The following SLC9A5 variants were observed in gnomAD, a reference collection of about 807,000 sequenced individuals.
SLC9A5 encodes the protein solute carrier family 9 member A5.
A neutral mutation model predicts 91.7 loss-of-function variants in SLC9A5; 52 were observed. The observed-to-expected ratio is 0.57, with a 90% CI of 0.45 to 0.71. The LOEUF is 0.71. Among genes scored for constraint, SLC9A5 ranks in the 30% least tolerant of loss-of-function variants. The pLI, the probability that SLC9A5 is intolerant of heterozygous loss-of-function variation, is 0.00. For synonymous variants in SLC9A5, 419 were observed against 474.5 expected (o/e 0.88, Z 1.52); for missense variants, 871 against 1,158.9 (o/e 0.75, Z 3.61).
intron 2 of SLC9A5, among the ~76,000 whole-genome samples, chr16:67,254,340 T>C (rs1391764741): frequency 1.3e-5 from 2 of 152,232 alleles, no homozygotes; most frequent in East Asian, 3.8e-4. Context: ...GCAGCCAATT[T>C]CCATTTGCTG....
chr16:67,255,031 G>A lies in SLC9A5; in HGVS notation c.501G>A (p.Val167=), dbSNP rs2035258785. The A allele has an allele frequency of 1.2e-6, 2 of 1,613,716 alleles. No individual in the cohort carries two copies. The highest frequency in any genetic ancestry group is 1.7e-6 in the Non-Finnish European group (2 of 1,179,904). ...CATGTCCCTTAATAGCCCCTAGGGT[G>A]CAGGCTGGCTTACTGGACTTCCTGC... ...LQQAGLVAPR[V]QAGLLDFLLF... The change falls in exon 3 of 16, where the codon GTG becomes GTA. Residue 167 remains valine (V), a synonymous_variant. Transcript: ENST00000299798. This position sits in a 1 kb window ranked among gnomAD's most constrained non-coding sequence, Gnocchi z 4.9.
chr16:67,252,140 C>G lies in SLC9A5; in HGVS notation c.188-402C>G, dbSNP rs2035146631. 6.6e-6 allele frequency among the ~76,000 whole-genome samples: 1 copy of G among 152,048 alleles called. No individual in the cohort carries two copies. Among genetic ancestry groups the G allele is most frequent in the African/African-American group, 2.4e-5 (1 of 41,388 alleles). On this transcript the variant is annotated intron_variant, in intron 1 of 15. Coordinates refer to ENST00000299798, the MANE Select transcript of SLC9A5 (RefSeq NM_004594.3). This position sits in a 1 kb window ranked among gnomAD's most constrained non-coding sequence, Gnocchi z 4.0. ...AATTCTAGAAGTCTTGCATATTTCT[C>G]CTCCCTTGGTCCCAGTCTTAGAAGG...
At position 67,265,530 on chromosome 16, in the gene SLC9A5, T is replaced by G. The variant is rs148140144; in HGVS notation, c.2080+424T>G. On this transcript the variant is annotated intron_variant, in intron 14 of 15. Transcript: ENST00000299798. ...GCCTCCTGGGTTCAAGTGATTCTTC[T>G]GCCTCAGCCTCCCAAGTAGCTGGGA... 5.6e-3 allele frequency among the ~76,000 whole-genome samples: 853 copies of G among 152,312 alleles called. 8 individuals are homozygous for G. Among genetic ancestry groups the G allele is most frequent in the African/African-American group, 0.019 (806 of 41,572 alleles).
In SLC9A5 at chr16:67,258,732, G is replaced by C. The variant is rs2035409610; in HGVS notation, c.1626+285G>C. On this transcript the variant is annotated intron_variant, in intron 10 of 15. Transcript: ENST00000299798. This position sits in a 1 kb window ranked among gnomAD's most constrained non-coding sequence, Gnocchi z 4.5. ...TTGGGTAAGCACACTCTCTGAGCCT[G>C]TTTCCTTAGCTGTAAGAAAGCAGGC... Among the ~76,000 whole-genome samples the C allele has an allele frequency of 6.6e-6, 1 of 152,230 alleles. No homozygotes were observed. The highest frequency in any genetic ancestry group is 1.5e-5 in the Non-Finnish European group (1 of 68,044).
chr16:67,256,470 G>A lies in SLC9A5; in HGVS notation c.913G>A (p.Val305Met). 2 of 1,606,514 alleles carry A rather than the reference G, an allele frequency of 1.2e-6. No individual in the cohort carries two copies. Among genetic ancestry groups the A allele is most frequent in the Non-Finnish European group, 1.7e-6 (2 of 1,178,122 alleles). ...CCATGTCTCTCCATCCTCTCCCAGGGTGACCATGTGTGGCCTGGGCTGTAA... is the reference window on the plus strand; with the variant it reads ...CCATGTCTCTCCATCCTCTCCCAGGATGACCATGTGTGGCCTGGGCTGTAA... Reference protein sequence around the residue: ...EMASLSAILAVTMCGLGCKKY... With the variant: ...EMASLSAILAMTMCGLGCKKY... The change falls in exon 6 of 16, where the codon GTG (valine) becomes ATG (methionine). Residue 305 changes from valine (V) to methionine (M), a missense_variant and splice_region_variant. Physicochemically the swap from Val to Met is conservative, Grantham distance 21. Around this residue, in one of 3 missense-constraint regions of SLC9A5, gnomAD observed 454 missense variants for 718.3 expected, o/e 0.63. Transcript: ENST00000299798. The surrounding 1 kb of genome is among the most constrained non-coding windows in gnomAD (Gnocchi z 4.1).
Position 67,255,505 on chromosome 16 carries a change from G to A in SLC9A5, c.733+34G>A, listed in dbSNP as rs1188586216. On this transcript the variant is annotated intron_variant, in intron 4 of 15. Transcript: ENST00000299798. This position sits in a 1 kb window ranked among gnomAD's most constrained non-coding sequence, Gnocchi z 4.9. ...TTCCCCGCTCCCAGCTGGCATTGGA[G>A]GTCTGCCTCCCCTGGGTTGCTGAGG... The A allele has an allele frequency of 6.2e-7, 1 of 1,606,734 alleles. No homozygotes were observed. The highest frequency in any genetic ancestry group is 1.1e-5 in the South Asian group (1 of 90,940).
In SLC9A5 at chr16:67,251,965, G is replaced by A. The variant is rs190848024; in HGVS notation, c.188-577G>A. 2.0e-5 allele frequency among the ~76,000 whole-genome samples: 3 copies of A among 152,302 alleles called. No homozygotes were observed. The East Asian group carries it at 5.8e-4, about 29-fold the overall frequency. ...TATGGATAAGGGTTGTCAGAGAAAG[G>A]TGAGGTCCCCTGAGGATGAAAGTAT... On this transcript the variant is annotated intron_variant, in intron 1 of 15. Transcript: ENST00000299798.
rs902164940 is a variant in SLC9A5, at chr16:67,263,293, C to T, written c.1843-1059C>T. On this transcript the variant is annotated intron_variant, in intron 12 of 15. Coordinates refer to ENST00000299798, the MANE Select transcript of SLC9A5 (RefSeq NM_004594.3). The stretch of plus-strand genomic sequence containing the variant: ...GCAGATGGAAGACTTGAAGGGGGCT[C>T]TTAGAACTGGTTCAGGGAAGCAGAA... 4.6e-5 allele frequency: 7 copies of T among 151,960 alleles called. 1 individual carries two copies. The highest frequency in any genetic ancestry group is 1.7e-4 in the African/African-American group (7 of 41,322). The allele number at this position is 151,960 out of a possible 1,614,324, so 9.4% of individuals were successfully genotyped here. A position where few individuals can be genotyped will look rare whatever the true frequency, so the allele number is the denominator to read the frequency against.
At position 67,271,077 on chromosome 16, in the gene SLC9A5, G is replaced by C. The variant is rs748152238; in HGVS notation, c.2558G>C (p.Ser853Thr). The change falls in exon 16 of 16, where the codon AGT (serine) becomes ACT (threonine). Residue 853 changes from serine (S) to threonine (T), a missense_variant. Transcript: ENST00000299798. ...PSLAKAGRSR[S>T]ESSADLPQQQ... ...CTGGCCAAGGCTGGCCGCTCTCGCA[G>C]TGAGAGCAGCGCTGACCTCCCCCAG... 9 of 1,612,930 alleles carry C rather than the reference G, an allele frequency of 5.6e-6. No homozygotes were observed. Among genetic ancestry groups the C allele is most frequent in the Non-Finnish European group, 7.6e-6 (9 of 1,179,202 alleles).
rs1332734951 is a variant in SLC9A5, at chr16:67,249,091, C to T, written c.77C>T (p.Ser26Phe). ...GAAGAGCCCACCCAGAAGCCAGAGT[C>T]CCCGGGCGAGCCTCCCCCAGGCTTA... ...AAEEPTQKPE[S>F]PGEPPPGLEL... The change falls in exon 1 of 16, where the codon TCC becomes TTC. Residue 26 changes from serine (S) to phenylalanine (F), a missense_variant. This residue lies in a region of SLC9A5 where 122 missense variants were observed against 114.5 expected (regional missense o/e 1.07). Transcript: ENST00000299798. The T allele has an allele frequency of 1.3e-6, 2 of 1,536,272 alleles. No individual in the cohort carries two copies. The highest frequency in any genetic ancestry group is 1.4e-5 in the African/African-American group (1 of 72,180).
chr16:67,265,986 G>A (rs747030738), intron 14 of SLC9A5, 102 bp from the exon 15 acceptor site: 80 of 1,466,608 alleles, frequency 5.5e-5, no homozygotes, highest in African/African-American at 1.2e-4. Flanking sequence ...CTCTGCCAAC[G>A]TGTGTTCTGC....
chr16:67,270,764 C>T lies in SLC9A5; in HGVS notation c.2245C>T (p.Arg749Ter), dbSNP rs878874218. 2 of 1,611,440 alleles carry T rather than the reference C, an allele frequency of 1.2e-6. No homozygotes were observed. Among genetic ancestry groups the T allele is most frequent in the Admixed American group, 1.7e-5 (1 of 59,852 alleles). The stretch of plus-strand genomic sequence containing the variant: ...AAGCCTTGAGGTGTGCCCAAGCCCA[C>T]GAATCATTCCCCCCTCCCCAACCTG... ...SGSLEVCPSP[R>*]IIPPSPTCAE... The change falls in exon 16 of 16, where the codon CGA becomes TGA. Residue 749 changes from arginine (R) to a stop codon, truncating the protein, a stop_gained. Transcript: ENST00000299798. LOFTEE classifies it high-confidence loss of function. This position sits in a 1 kb window ranked among gnomAD's most constrained non-coding sequence, Gnocchi z 4.3.
At position 67,255,315 on chromosome 16, in the gene SLC9A5, C is replaced by CTCTCCCAGCAGTCTG; in HGVS notation, c.655-64_655-50dup. 1.3e-6 allele frequency: 2 copies of CTCTCCCAGCAGTCTG among 1,531,358 alleles called. No individual in the cohort carries two copies. The highest frequency in any genetic ancestry group is 1.8e-6 in the Non-Finnish European group (2 of 1,113,684). The allele number at this position is 1,531,358 out of a possible 1,614,324, so 94.9% of individuals were successfully genotyped here. A position where few individuals can be genotyped will look rare whatever the true frequency, so the allele number is the denominator to read the frequency against. The stretch of plus-strand genomic sequence containing the variant: ...AAATATGCTGTCTGCTTTCACCCTG[C>CTCTCCCAGCAGTCTG]TCTCCCAGCAGTCTGTCTCCCAGCA... On this transcript the variant is annotated intron_variant, in intron 3 of 15. Transcript: ENST00000299798. The surrounding 1 kb of genome is among the most constrained non-coding windows in gnomAD (Gnocchi z 4.9).
Position 67,264,488 on chromosome 16 carries a change from G to A in SLC9A5, c.1979G>A (p.Ser660Asn), listed in dbSNP as rs2035634761. ...AAGCACAACATCTGCTTCACCAAGA[G>A]CAAGCCACGACCCCGCAAGACTGGC... is the stretch of plus-strand genomic sequence containing the variant. ...STKHNICFTK[S>N]KPRPRKTGRR... The change falls in exon 13 of 16, where the codon AGC (serine) becomes AAC (asparagine). Residue 660 changes from serine to asparagine, a missense_variant. By Grantham distance (46) the Ser-to-Asn change is conservative. Around this residue, in one of 3 missense-constraint regions of SLC9A5, gnomAD observed 295 missense variants for 326.0 expected, o/e 0.90. Transcript: ENST00000299798. The A allele has an allele frequency of 1.2e-6, 2 of 1,614,078 alleles. No individual in the cohort carries two copies. Among genetic ancestry groups the A allele is most frequent in the Admixed American group, 1.7e-5 (1 of 59,992 alleles).
chr16:67,250,792 T>C (rs1349707683), intron 1 of SLC9A5, among the ~76,000 whole-genome samples: 1 of 152,192 alleles, frequency 6.6e-6, no homozygotes, highest in Non-Finnish European at 1.5e-5. Flanking sequence ...GGCACTGTCT[T>C]GGCATAGGGT....
At position 67,271,461 on chromosome 16, in the gene SLC9A5, C is replaced by T. The variant is rs576759839; in HGVS notation, c.*251C>T. On this transcript the variant is annotated 3_prime_UTR_variant, in exon 16 of 16. Coordinates refer to ENST00000299798, the MANE Select transcript of SLC9A5 (RefSeq NM_004594.3). The stretch of plus-strand genomic sequence containing the variant: ...CTCTACTCTGGCTCAGGACCCAGTC[C>T]AGGCCTTCTACGGGCTAGGCCCAGA... 3.9e-5 allele frequency: 21 copies of T among 540,072 alleles called. No individual in the cohort carries two copies. The highest frequency in any genetic ancestry group is 7.0e-5 in the Non-Finnish European group (21 of 300,644). The allele number at this position is 540,072 out of a possible 1,614,324, so 33.5% of individuals were successfully genotyped here.
rs1173781960 is a variant in SLC9A5, at chr16:67,272,115, G to C, written c.*905G>C. ...TAAGCAGGGGCTGACAGGGTGGCAG[G>C]TGACTTTCTAGGGATCAGCACCTGC... On this transcript the variant is annotated 3_prime_UTR_variant, in exon 16 of 16. Transcript: ENST00000299798. The C allele has an allele frequency of 6.6e-6, 1 of 152,292 alleles. No individual in the cohort carries two copies. The highest frequency in any genetic ancestry group is 1.5e-5 in the Non-Finnish European group (1 of 68,100). 9.4% of individuals were successfully genotyped at this position (152,292 alleles called of 1,614,324 possible).
At chr16:67,262,272 G>C in intron 12 of SLC9A5, 1 of 457,374 alleles carries the variant, frequency 2.2e-6, no homozygotes, top group Non-Finnish European at 4.4e-6. Flanking sequence ...AGACTGACAT[G>C]GATCAAGCAT....
chr16:67,271,497 GC>G lies in SLC9A5; in HGVS notation c.*288del, dbSNP rs2035923884. ...CGGGCTAGGCCCAGAGACTTGGGTT[GC>G]TGGTCCCCCTTCCCTAGTGGGTTTT... On this transcript the variant is annotated 3_prime_UTR_variant, in exon 16 of 16. Coordinates refer to ENST00000299798, the MANE Select transcript of SLC9A5 (RefSeq NM_004594.3). 2 of 448,770 alleles carry G rather than the reference GC, an allele frequency of 4.5e-6. No homozygotes were observed. The highest frequency in any genetic ancestry group is 7.1e-5 in the South Asian group (2 of 28,196). 27.8% of individuals were successfully genotyped at this position (448,770 alleles called of 1,614,324 possible). A position where few individuals can be genotyped will look rare whatever the true frequency, so the allele number is the denominator to read the frequency against.
Sources: allele counts gnomAD v4.1 joint callset (sites outside exome capture counted in the v4.1 genomes callset), GRCh38; gene constraint gnomAD v4.1.1; regional missense constraint gnomAD v4.1.1; non-coding constraint Gnocchi (gnomAD v3.1); transcripts MANE v1.5; gene names NCBI Gene and HGNC (gene_info 2026-07-23, HGNC 2026-07-21).